AGBL4: variants seen among roughly 807,000 people sequenced by gnomAD.
AGBL4 encodes the protein cytosolic carboxypeptidase 6.
AGBL4 carries 58 observed loss-of-function variants against 66.4 expected under a neutral mutation model. The observed-to-expected ratio is 0.87, with a 90% CI of 0.71 to 1.09. The LOEUF is 1.09. Ranked by LOEUF, AGBL4 falls within the 50% of genes least tolerant of loss-of-function variation. The probability of loss-of-function intolerance (pLI) is 0.00; values close to 1 mark genes in which losing one functional copy is unlikely to be tolerated. For missense variants in AGBL4, 579 were observed against 631.0 expected (o/e 0.92, Z 0.88); for synonymous variants, 234 against 222.9 (o/e 1.05, Z -0.44).
At chr1:48,694,847 A>AT (rs1484509241) in intron 6 of AGBL4, among the ~76,000 whole-genome samples, 2 of 152,030 alleles carry the variant, frequency 1.3e-5, no homozygotes, top group Non-Finnish European at 2.9e-5. Context: ...AATGAAAGTC[A>AT]TTTTTTGAAT....
intron 4 of AGBL4, among the ~76,000 whole-genome samples, chr1:49,066,949 A>G (rs766331413): frequency 1.4e-4 from 21 of 152,204 alleles, no homozygotes; most frequent in Non-Finnish European, 2.4e-4. Context: ...TCGGCAACAC[A>G]TTCAGCATCT....
chr1:48,711,533 T>C (rs1646967054), intron 6 of AGBL4, among the ~76,000 whole-genome samples: 1 of 152,182 alleles, frequency 6.6e-6, no homozygotes, highest in Admixed American at 6.5e-5. Context: ...TGTCTGTTCC[T>C]GCTAATTAAC....
chr1:49,812,951 G>A (rs1645134511), intron 2 of AGBL4, among the ~76,000 whole-genome samples: 1 of 152,068 alleles, frequency 6.6e-6, no homozygotes, highest in South Asian at 2.1e-4. Context: ...CCAGATGAAA[G>A]ATATGGGAAA....
intron 1 of AGBL4, among the ~76,000 whole-genome samples, chr1:50,020,248 C>A (rs887236318): frequency 2.0e-5 from 3 of 151,982 alleles, no homozygotes; most frequent in Non-Finnish European, 2.9e-5. Context: ...TTATACTCAT[C>A]ATTGTATGTT....
intron 4 of AGBL4, among the ~76,000 whole-genome samples, chr1:49,081,909 C>T (rs1644815923): frequency 1.3e-5 from 2 of 152,156 alleles, no homozygotes; most frequent in African/African-American, 4.8e-5. Context: ...GTGTTTGGCA[C>T]AGTCCTTCCC....
chr1:49,432,774 T>C (rs1304776829), intron 3 of AGBL4, among the ~76,000 whole-genome samples: 2 of 152,180 alleles, frequency 1.3e-5, no homozygotes, highest in Admixed American at 1.3e-4. Context: ...ACTAAAATCC[T>C]TGTAATCTCA....
rs1444746024 is a variant in AGBL4, at chr1:49,817,123, C to A, written c.157+34273G>T. Among the ~76,000 whole-genome samples the A allele has an allele frequency of 2.0e-5, 3 of 152,260 alleles. No homozygotes were observed. The East Asian group carries it at 5.8e-4, about 29-fold the overall frequency. ...TTGACCAGACCCAAACTGAGAAAATCATATTTTCCTTCTTATAATTAGGAA... is the reference window on the plus strand; with the variant it reads ...TTGACCAGACCCAAACTGAGAAAATAATATTTTCCTTCTTATAATTAGGAA... On this transcript the variant is annotated intron_variant, in intron 2 of 13. Coordinates refer to ENST00000371839, the MANE Select transcript of AGBL4 (RefSeq NM_032785.4).
chr1:49,343,076 T>C (rs1645572476), intron 3 of AGBL4, among the ~76,000 whole-genome samples: 1 of 152,196 alleles, frequency 6.6e-6, no homozygotes, highest in African/African-American at 2.4e-5. Flanking sequence ...TTTTTTTCTT[T>C]TTGGGTCTTA....
intron 5 of AGBL4, among the ~76,000 whole-genome samples, chr1:48,972,614 C>T (rs1442605506): frequency 6.6e-6 from 1 of 152,144 alleles, no homozygotes; most frequent in Non-Finnish European, 1.5e-5. Flanking sequence ...ATTCATATAT[C>T]TCTACTTTGA....
intron 2 of AGBL4, among the ~76,000 whole-genome samples, chr1:49,834,007 G>T (rs960190971): frequency 6.6e-6 from 1 of 152,024 alleles, no homozygotes; most frequent in Non-Finnish European, 1.5e-5. Flanking sequence ...GAGGATTTTC[G>T]CATCGATGTT....
At chr1:49,556,585 C>A (rs1241065740) in intron 3 of AGBL4, among the ~76,000 whole-genome samples, 1 of 151,670 alleles carries the variant, frequency 6.6e-6, no homozygotes, top group Non-Finnish European at 1.5e-5. Flanking sequence ...ATTTACAAAC[C>A]TTTATCTAGA....
At chr1:48,546,514 G>A (rs1362710173) in intron 11 of AGBL4, among the ~76,000 whole-genome samples, 3 of 152,202 alleles carry the variant, frequency 2.0e-5, no homozygotes, top group Non-Finnish European at 4.4e-5. Flanking sequence ...TCAGGCACAT[G>A]ACCTGAAATA....
intron 3 of AGBL4, among the ~76,000 whole-genome samples, chr1:49,678,376 T>C (rs1646621694): frequency 6.6e-6 from 1 of 152,152 alleles, no homozygotes; most frequent in East Asian, 1.9e-4. Context: ...TGCAGGTTTT[T>C]CTTTTATCAT....
chr1:49,430,159 A>G (rs538017660), intron 3 of AGBL4, among the ~76,000 whole-genome samples: 1 of 152,002 alleles, frequency 6.6e-6, no homozygotes, highest in East Asian at 1.9e-4. Flanking sequence ...GGCCACATAT[A>G]CCATTTCCTT....
rs189347941 is a variant in AGBL4, at chr1:49,593,910, T to G, written c.282+103403A>C. 2.0e-5 allele frequency among the ~76,000 whole-genome samples: 3 copies of G among 152,110 alleles called. No homozygotes were observed. The East Asian group carries it at 5.8e-4, about 29-fold the overall frequency. ...AGAGAGTATGCTAATATTAAAGCAT[T>G]GAAAAAAGGAATATATAAATGCACA... On this transcript the variant is annotated intron_variant, in intron 3 of 13. Coordinates refer to ENST00000371839, the MANE Select transcript of AGBL4 (RefSeq NM_032785.4).
At chr1:49,556,886 G>A (rs1643915059) in intron 3 of AGBL4, among the ~76,000 whole-genome samples, 1 of 152,022 alleles carries the variant, frequency 6.6e-6, no homozygotes, top group South Asian at 2.1e-4. Context: ...TTCAAGCGCG[G>A]CGCGGGTGGG....
chr1:49,380,417 G>A (rs1644575289), intron 3 of AGBL4, among the ~76,000 whole-genome samples: 1 of 152,060 alleles, frequency 6.6e-6, no homozygotes, highest in African/African-American at 2.4e-5. Flanking sequence ...GGGCCATACT[G>A]CCCAAGATAA....
chr1:49,658,451 G>A (rs1301888863), intron 3 of AGBL4, among the ~76,000 whole-genome samples: 4 of 152,290 alleles, frequency 2.6e-5, no homozygotes, highest in African/African-American at 4.8e-5. Flanking sequence ...TCAGTGTGGC[G>A]ATTCCTCAGG....
At chr1:48,665,160 T>G (rs940032805) in intron 6 of AGBL4, among the ~76,000 whole-genome samples, 1 of 152,180 alleles carries the variant, frequency 6.6e-6, no homozygotes, top group East Asian at 1.9e-4. Context: ...AGAAATATCA[T>G]GGAACCAAAA....
Sources: gnomAD v4.1 joint callset for allele counts (sites outside exome capture counted in the v4.1 genomes callset) on GRCh38, gnomAD v4.1.1 for gene constraint, MANE v1.5 for transcripts, NCBI Gene and HGNC (gene_info 2026-07-23, HGNC 2026-07-21) for gene names.